VPS13B: variants seen among roughly 807,000 people sequenced by gnomAD.
VPS13B encodes the protein intermembrane lipid transfer protein VPS13B.
VPS13B carries 285 observed loss-of-function variants against 426.4 expected under a neutral mutation model. The observed-to-expected ratio is 0.67, with a 90% confidence interval of 0.61 to 0.74. The LOEUF is 0.74. Ranked by LOEUF, VPS13B falls within the 30% of genes least tolerant of loss-of-function variation. The probability of loss-of-function intolerance (pLI) is 0.00; values close to 1 mark genes in which losing one functional copy is unlikely to be tolerated. For missense variants in VPS13B, 4,537 were observed against 4,782.6 expected (o/e 0.95, Z 1.51); for synonymous variants, 1,676 against 1,676.4 (o/e 1.00, Z 0.01).
chr8:99,082,045 C>T (rs1465633477), intron 3 of VPS13B, among the ~76,000 whole-genome samples: 1 of 152,188 alleles, frequency 6.6e-6, no homozygotes, highest in East Asian at 1.9e-4. Flanking sequence ...ACACTGACTT[C>T]TACAGTGGTT....
chr8:99,344,326 A>G (rs1367721286), intron 19 of VPS13B, among the ~76,000 whole-genome samples: 1 of 152,254 alleles, frequency 6.6e-6, no homozygotes, highest in Non-Finnish European at 1.5e-5. Flanking sequence ...TTAAAGACAT[A>G]TAAAACCTGA....
intron 17 of VPS13B, among the ~76,000 whole-genome samples, chr8:99,219,478 T>C (rs1224538857): frequency 6.6e-6 from 1 of 152,242 alleles, no homozygotes; most frequent in African/African-American, 2.4e-5. Flanking sequence ...TTTGTGCTTC[T>C]ATAACAGAAT....
intron 16 of VPS13B, 40 bp from the exon 17 acceptor site, chr8:99,192,836 C>T: frequency 6.2e-7 from 1 of 1,603,196 alleles, no homozygotes; most frequent in Non-Finnish European, 8.5e-7. Context: ...TCTGTAAATG[C>T]TATTTACTGT....
intron 40 of VPS13B, among the ~76,000 whole-genome samples, chr8:99,774,974 C>T (rs77413954): frequency 0.046 from 6,981 of 152,160 alleles, 169 homozygotes; most frequent in African/African-American, 0.061. Context: ...AACTGAAAAC[C>T]CTTTGAGGTT....
At chr8:99,697,045 C>T in intron 35 of VPS13B, 1 of 558,606 alleles carries the variant, frequency 1.8e-6, no homozygotes, top group African/African-American at 1.9e-5. Flanking sequence ...TGGACCTGCA[C>T]CTGCATCAGG....
chr8:99,629,540 A>G (rs756956106), intron 33 of VPS13B, among the ~76,000 whole-genome samples: 3 of 152,176 alleles, frequency 2.0e-5, no homozygotes, highest in Non-Finnish European at 2.9e-5. Context: ...GTGGGCTCAT[A>G]AAGAGAAGGC....
chr8:99,432,912 C>G (rs117124279), intron 22 of VPS13B, among the ~76,000 whole-genome samples: 3,406 of 152,250 alleles, frequency 0.022, 65 homozygotes, highest in Middle Eastern at 0.068. Flanking sequence ...ATACTGTATT[C>G]AGAGAACATA....
At chr8:99,606,627 T>C (rs1827598354) in intron 33 of VPS13B, among the ~76,000 whole-genome samples, 1 of 144,902 alleles carries the variant, frequency 6.9e-6, no homozygotes, top group Admixed American at 7.3e-5. Flanking sequence ...TCTTTTTCTT[T>C]TCTTTTTTTT....
intron 21 of VPS13B, among the ~76,000 whole-genome samples, chr8:99,408,365 A>G (rs1815444987): frequency 6.6e-6 from 1 of 152,110 alleles, no homozygotes; most frequent in African/African-American, 2.4e-5. Context: ...AGAGGATGCA[A>G]GGTCAAATTC....
At chr8:99,700,370 A>G (rs914258198) in intron 36 of VPS13B, among the ~76,000 whole-genome samples, 1 of 152,238 alleles carries the variant, frequency 6.6e-6, no homozygotes, top group Non-Finnish European at 1.5e-5. Flanking sequence ...AACTCTGGGC[A>G]TGGAGCCCAG....
intron 13 of VPS13B, 75 bp downstream of exon 13, chr8:99,143,240 T>C (rs1810528769): frequency 6.3e-7 from 1 of 1,592,386 alleles, no homozygotes; most frequent in Non-Finnish European, 8.6e-7. Context: ...TTGTGTTGTC[T>C]TGCTAACTTT....
At chr8:99,076,659 A>T in intron 3 of VPS13B, among the ~76,000 whole-genome samples, 1 of 136,670 alleles carries the variant, frequency 7.3e-6, no homozygotes, top group Non-Finnish European at 1.6e-5. Flanking sequence ...GTTTTATCTC[A>T]TCTAGGTGTA....
rs895313944 is a variant in VPS13B at position 99,645,174 on chromosome 8, C to T, written c.5908+2676C>T. 3.9e-5 allele frequency among the ~76,000 whole-genome samples: 6 copies of T among 152,178 alleles called. No individual in the cohort carries two copies. The South Asian group carries it at 1.0e-3, about 26-fold the overall frequency. ...CAAAAGATTCCTGTCTAAGTTTTAACTGATGAATTTTTATGTTAACTGTGT... is the reference window on the plus strand; with the variant it reads ...CAAAAGATTCCTGTCTAAGTTTTAATTGATGAATTTTTATGTTAACTGTGT... On this transcript the variant is annotated intron_variant, in intron 34 of 61. Coordinates refer to ENST00000357162, the MANE Select transcript of VPS13B (RefSeq NM_152564.5).
intron 35 of VPS13B, chr8:99,697,948 A>G: frequency 2.4e-6 from 1 of 422,982 alleles, no homozygotes; most frequent in South Asian, 2.0e-5. Flanking sequence ...CCAAGATTGT[A>G]GCGACCTTGG....
intron 30 of VPS13B, among the ~76,000 whole-genome samples, chr8:99,532,614 A>G (rs1460248740): frequency 6.6e-6 from 1 of 152,010 alleles, no homozygotes; most frequent in African/African-American, 2.4e-5. Flanking sequence ...AACTTTTGCA[A>G]CAGTGTTTGC....
intron 19 of VPS13B, among the ~76,000 whole-genome samples, chr8:99,289,715 G>A (rs1183190469): frequency 6.6e-6 from 1 of 152,108 alleles, no homozygotes; most frequent in East Asian, 1.9e-4. Flanking sequence ...GTGATAAATA[G>A]CCACTGAATG....
chr8:99,851,772 A>G (rs868329832), intron 55 of VPS13B, among the ~76,000 whole-genome samples: 3 of 152,100 alleles, frequency 2.0e-5, no homozygotes, highest in Non-Finnish European at 4.4e-5. Context: ...AGAAGGAGGG[A>G]GACCTCATGG....
chr8:99,332,877 TG>T (rs1218480911), intron 19 of VPS13B, among the ~76,000 whole-genome samples: 4 of 151,824 alleles, frequency 2.6e-5, no homozygotes, highest in East Asian at 1.9e-4. Context: ...TTGGCTCACA[TG>T]TTTTTTTATA....
At chr8:99,162,916 G>A (rs1473669651) in intron 15 of VPS13B, among the ~76,000 whole-genome samples, 1 of 152,144 alleles carries the variant, frequency 6.6e-6, no homozygotes, top group Non-Finnish European at 1.5e-5. Flanking sequence ...GGCCTGTTTT[G>A]TCAGGGCGCT....
Sources: allele counts gnomAD v4.1 joint callset (sites outside exome capture counted in the v4.1 genomes callset), GRCh38; gene constraint gnomAD v4.1.1; transcripts MANE v1.5; gene names NCBI Gene and HGNC (gene_info 2026-07-23, HGNC 2026-07-21).